DMD: variants seen among roughly 807,000 people sequenced by gnomAD.
The protein encoded by DMD is dystrophin.
A neutral mutation model predicts 330.1 loss-of-function variants in DMD; 63 were observed. The observed-to-expected ratio is 0.19, with a 90% CI of 0.16 to 0.24. The LOEUF (loss-of-function observed/expected upper bound fraction) is 0.24. Among genes scored for constraint, DMD ranks in the 10% least tolerant of loss-of-function variants. The probability of loss-of-function intolerance (pLI) is 1.00; values close to 1 mark genes in which losing one functional copy is unlikely to be tolerated. For missense variants in DMD, 3,344 were observed against 2,684.1 expected (o/e 1.25, Z -5.43); for synonymous variants, 1,223 against 959.8 (o/e 1.27, Z -5.07).
chrX:32,234,714 G>A (rs1184496768), intron 43 of DMD, among the ~76,000 whole-genome samples: 1 of 111,837 alleles, frequency 8.9e-6, no homozygotes, highest in Admixed American at 9.5e-5. Flanking sequence ...CAGGTAAACT[G>A]CTGACATCAG....
chrX:32,976,242 C>A (rs2092547952), intron 2 of DMD, among the ~76,000 whole-genome samples: 2 of 109,402 alleles, frequency 1.8e-5, no homozygotes, highest in Non-Finnish European at 3.8e-5. Context: ...ATACAACCCT[C>A]ACTTGCAGTT....
intron 54 of DMD, among the ~76,000 whole-genome samples, chrX:31,629,964 T>TGAAA (rs2079050248): frequency 8.9e-6 from 1 of 112,259 alleles, no homozygotes. Flanking sequence ...TTTAAAAATA[T>TGAAA]GAAATTCTCC....
At chrX:32,131,864 C>T (rs959452962) in intron 44 of DMD, among the ~76,000 whole-genome samples, 12 of 111,984 alleles carry the variant, frequency 1.1e-4, no homozygotes, top group African/African-American at 3.9e-4. Flanking sequence ...CCAGACCCTG[C>T]TTCTTCACAC....
chrX:32,367,767 T>C (rs2097859402), intron 34 of DMD, among the ~76,000 whole-genome samples: 1 of 112,051 alleles, frequency 8.9e-6, no homozygotes, highest in Non-Finnish European at 1.9e-5. Flanking sequence ...TAGTGCCTTC[T>C]TAAGTTCCAC....
intron 12 of DMD, among the ~76,000 whole-genome samples, chrX:32,605,906 G>T (rs1370422004): frequency 2.7e-5 from 3 of 109,889 alleles, no homozygotes; most frequent in Non-Finnish European, 5.8e-5. Flanking sequence ...TTAAAAATTT[G>T]TGGGTACAGA....
At chrX:32,152,185 G>A (rs1281961730) in intron 44 of DMD, among the ~76,000 whole-genome samples, 9 of 111,729 alleles carry the variant, frequency 8.1e-5, no homozygotes, top group African/African-American at 2.9e-4. Context: ...TACCACATAT[G>A]GGCTACATTA....
At chrX:32,039,732 A>G (rs957322476) in intron 44 of DMD, among the ~76,000 whole-genome samples, 7 of 112,087 alleles carry the variant, frequency 6.2e-5, no homozygotes, top group Admixed American at 4.7e-4. Flanking sequence ...TTCCTGAAAT[A>G]GATCTCAAAA....
chrX:31,608,486 T>C (rs2077724439), intron 55 of DMD, among the ~76,000 whole-genome samples: 1 of 112,108 alleles, frequency 8.9e-6, no homozygotes, highest in Non-Finnish European at 1.9e-5. Flanking sequence ...ACATAGGCTT[T>C]ATATTTTTAT....
chrX:32,603,167 C>G (rs2056375192), intron 12 of DMD, among the ~76,000 whole-genome samples: 1 of 111,069 alleles, frequency 9.0e-6, no homozygotes, highest in African/African-American at 3.3e-5. Context: ...TATCAAGCAT[C>G]TTCTTGCACC....
intron 4 of DMD, among the ~76,000 whole-genome samples, chrX:32,842,376 C>T (rs1005428628): frequency 7.1e-5 from 8 of 112,234 alleles, no homozygotes; most frequent in African/African-American, 2.6e-4. Flanking sequence ...TTGCCCTATT[C>T]TTTTGCTCAT....
At chrX:31,233,299 T>C (rs2047397043) in intron 63 of DMD, among the ~76,000 whole-genome samples, 1 of 111,838 alleles carries the variant, frequency 8.9e-6, no homozygotes, top group Admixed American at 9.5e-5. Context: ...CCCAATCTCC[T>C]TCAACTCTAT....
At chrX:33,008,836 A>G (rs1465706899) in intron 2 of DMD, among the ~76,000 whole-genome samples, 1 of 97,147 alleles carries the variant, frequency 1.0e-5, no homozygotes, top group East Asian at 3.2e-4. Flanking sequence ...ACGTATATAT[A>G]TACACATATA....
chrX:32,305,484 G>A (rs1026883330), intron 42 of DMD, among the ~76,000 whole-genome samples: 6 of 111,242 alleles, frequency 5.4e-5, no homozygotes, highest in African/African-American at 2.0e-4. Flanking sequence ...TTAAGTTTCT[G>A]TATGACCAGA....
At chrX:32,777,188 C>T (rs897769509) in intron 7 of DMD, among the ~76,000 whole-genome samples, 5 of 94,594 alleles carry the variant, frequency 5.3e-5, no homozygotes, top group African/African-American at 1.6e-4. Flanking sequence ...CTTTGTTTCG[C>T]AGCATTATCA....
At chrX:32,883,891 A>T (rs1179018985) in intron 2 of DMD, among the ~76,000 whole-genome samples, 2 of 108,519 alleles carry the variant, frequency 1.8e-5, no homozygotes, top group Non-Finnish European at 3.8e-5. Flanking sequence ...AGGCTCTTAA[A>T]AATGTATCCC....
At chrX:33,069,747 A>T (rs936375682) in intron 1 of DMD, among the ~76,000 whole-genome samples, 2 of 111,715 alleles carry the variant, frequency 1.8e-5, no homozygotes, top group Non-Finnish European at 3.8e-5. Flanking sequence ...CATTTGAGAG[A>T]AAGTTTTGCT....
chrX:31,803,952 G>T (rs1489087446), intron 50 of DMD, among the ~76,000 whole-genome samples: 1 of 110,499 alleles, frequency 9.0e-6, no homozygotes, highest in African/African-American at 3.3e-5. Flanking sequence ...ACCCACCTCG[G>T]CCCCCCAAAG....
At chrX:31,484,656 A>C (rs2068650836) in intron 57 of DMD, among the ~76,000 whole-genome samples, 1 of 112,172 alleles carries the variant, frequency 8.9e-6, no homozygotes, top group Non-Finnish European at 1.9e-5. Context: ...ACTTATATGA[A>C]GTATGCTACT....
intron 64 of DMD, among the ~76,000 whole-genome samples, chrX:31,221,826 C>A (rs992618084): frequency 1.8e-5 from 2 of 111,227 alleles, no homozygotes; most frequent in Non-Finnish European, 1.9e-5. Flanking sequence ...GAGGCTGAGG[C>A]GGGTGAATCA....
Sources: allele counts gnomAD v4.1 joint callset (sites outside exome capture counted in the v4.1 genomes callset), GRCh38; gene constraint gnomAD v4.1.1; transcripts MANE v1.5; gene names NCBI Gene and HGNC (gene_info 2026-07-23, HGNC 2026-07-21).